The following FBXO25 variants were observed in gnomAD, a reference collection of about 807,000 sequenced individuals.
FBXO25 encodes the protein F-box protein 25, also known as F-box only protein 25.
In FBXO25, 45 loss-of-function variants were observed where a neutral mutation model predicts 51.9. That is an observed-to-expected ratio of 0.87 (90% confidence interval 0.68 to 1.11). FBXO25 has a LOEUF of 1.11. Among genes scored for constraint, FBXO25 ranks in the 50% most tolerant of loss-of-function variants. FBXO25 has a pLI of 0.00. For synonymous variants in FBXO25, 199 were observed against 151.0 expected (o/e 1.32, Z -2.33); for missense variants, 507 against 428.5 (o/e 1.18, Z -1.62).
intron 9 of FBXO25, among the ~76,000 whole-genome samples, chr8:465,822 A>AAT (rs1389048426): frequency 6.6e-6 from 1 of 152,194 alleles, no homozygotes; most frequent in Non-Finnish European, 1.5e-5. Flanking sequence ...TGTATATAAG[A>AAT]ATATGCTGCC....
rs553286404 is a variant in FBXO25, at chr8:468,947, G to A, written c.*143G>A. ...TGGGAAGAACTGCCCTTCTGCAAAGGGGGGACTGCATGGTTGCATTTTCAT... is the reference window on the plus strand; with the variant it reads ...TGGGAAGAACTGCCCTTCTGCAAAGAGGGGACTGCATGGTTGCATTTTCAT... On this transcript the variant is annotated 3_prime_UTR_variant, in exon 10 of 10. Transcript: ENST00000350302. 5.9e-6 allele frequency: 4 copies of A among 680,614 alleles called. No individual in the cohort carries two copies. The highest frequency in any genetic ancestry group is 7.2e-6 in the Non-Finnish European group (3 of 415,316). 42.2% of individuals were successfully genotyped at this position (680,614 alleles called of 1,614,324 possible).
chr8:468,978 A>C lies in FBXO25; in HGVS notation c.*174A>C. ...CTGCATGGTTGCATTTTCATCACTGAAAGTCAGAGGCCAAGGAAATCATTT... is the reference window on the plus strand; with the variant it reads ...CTGCATGGTTGCATTTTCATCACTGCAAGTCAGAGGCCAAGGAAATCATTT... On this transcript the variant is annotated 3_prime_UTR_variant, in exon 10 of 10. Coordinates refer to ENST00000350302, the MANE Select transcript of FBXO25 (RefSeq NM_183420.2). 1 of 578,450 alleles carries C rather than the reference A, an allele frequency of 1.7e-6. No individual in the cohort carries two copies. The highest frequency in any genetic ancestry group is 3.0e-6 in the Non-Finnish European group (1 of 333,126). 35.8% of individuals were successfully genotyped at this position (578,450 alleles called of 1,614,324 possible).
intron 2 of FBXO25, among the ~76,000 whole-genome samples, chr8:429,549 C>G (rs1296923710): frequency 2.6e-5 from 4 of 152,148 alleles, no homozygotes; most frequent in Admixed American, 1.3e-4. Context: ...AAATTAAATA[C>G]TCCTTTATTA....
chr8:442,500 C>T (rs1055384517), intron 5 of FBXO25, among the ~76,000 whole-genome samples: 17 of 151,960 alleles, frequency 1.1e-4, no homozygotes, highest in African/African-American at 2.4e-4. Flanking sequence ...GAGACAGAGT[C>T]GCTTTGTCGC....
rs191889017 is a variant in FBXO25, at chr8:419,117, T to C, written c.134+5904T>C. Among the ~76,000 whole-genome samples, 245 of 151,816 alleles carry C rather than the reference T, an allele frequency of 1.6e-3. 2 individuals carry two copies. Among genetic ancestry groups the C allele is most frequent in the Middle Eastern group, 6.8e-3 (2 of 294 alleles). On this transcript the variant is annotated intron_variant, in intron 2 of 9. Coordinates refer to ENST00000350302, the MANE Select transcript of FBXO25 (RefSeq NM_183420.2). ...GCGCAGGCCTGTAATCCCAACACTT[T>C]GGGAGGCCAAGGCGGGCGGATCACC...
chr8:425,356 C>G lies in FBXO25; in HGVS notation c.135-5985C>G, dbSNP rs562979989. Reference sequence around the variant, plus strand: ...CTCTCTATCCCTTTCTTTTCCTTATCTTTTACAATGTTTAAATTTTCTTCT... The same window carrying G: ...CTCTCTATCCCTTTCTTTTCCTTATGTTTTACAATGTTTAAATTTTCTTCT... On this transcript the variant is annotated intron_variant, in intron 2 of 9. Transcript: ENST00000350302. 3.5e-4 allele frequency among the ~76,000 whole-genome samples: 52 copies of G among 150,692 alleles called. No individual in the cohort carries two copies. The South Asian group carries it at 6.9e-3, about 20-fold the overall frequency.
intron 2 of FBXO25, among the ~76,000 whole-genome samples, chr8:419,477 C>G (rs1013866101): frequency 6.6e-6 from 1 of 152,194 alleles, no homozygotes; most frequent in African/African-American, 2.4e-5. Flanking sequence ...TGGAACACAA[C>G]AGAGGACCCC....
At chr8:409,772 A>G (rs991150599) in intron 1 of FBXO25, among the ~76,000 whole-genome samples, 4 of 152,038 alleles carry the variant, frequency 2.6e-5, no homozygotes, top group African/African-American at 9.7e-5. Flanking sequence ...TTTTCATTTG[A>G]TCTATCCTAC....
intron 2 of FBXO25, among the ~76,000 whole-genome samples, chr8:428,643 A>G (rs943891325): frequency 7.2e-5 from 11 of 152,226 alleles, no homozygotes; most frequent in Non-Finnish European, 1.0e-4. Flanking sequence ...ATCCATCTCT[A>G]GAACTTTTAC....
chr8:444,041 T>C (rs866682026), intron 5 of FBXO25, among the ~76,000 whole-genome samples: 6 of 152,298 alleles, frequency 3.9e-5, no homozygotes, highest in Admixed American at 1.3e-4. Context: ...TGCCTCAGTT[T>C]TCTCATCTCT....
chr8:468,591 C>A, intron 9 of FBXO25, 124 bp from the exon 10 acceptor site: 1 of 687,198 alleles, frequency 1.5e-6, no homozygotes, highest in Non-Finnish European at 2.5e-6. Flanking sequence ...AAGTTATCTC[C>A]CATGTACCTC....
At chr8:430,165 T>G (rs1426498464) in intron 2 of FBXO25, among the ~76,000 whole-genome samples, 5 of 152,248 alleles carry the variant, frequency 3.3e-5, no homozygotes, top group African/African-American at 1.2e-4. Context: ...GTGCTTTTCC[T>G]TTGATATGTT....
intron 2 of FBXO25, among the ~76,000 whole-genome samples, chr8:424,046 A>G (rs987484593): frequency 6.6e-6 from 1 of 151,554 alleles, no homozygotes; most frequent in African/African-American, 2.4e-5. Flanking sequence ...GCTATGTGGT[A>G]CTGAGCCGTT....
intron 9 of FBXO25, among the ~76,000 whole-genome samples, chr8:463,406 T>C (rs188678214): frequency 5.1e-4 from 78 of 152,258 alleles, no homozygotes; most frequent in East Asian, 5.0e-3. Context: ...TGCAGGCGGA[T>C]TGCAGCCAGT....
chr8:420,614 A>T (rs1797090293), intron 2 of FBXO25, among the ~76,000 whole-genome samples: 1 of 152,244 alleles, frequency 6.6e-6, no homozygotes, highest in African/African-American at 2.4e-5. Context: ...AAAAGGAACA[A>T]ACTATTAATT....
intron 2 of FBXO25, among the ~76,000 whole-genome samples, 166 bp from the exon 3 acceptor site, chr8:431,175 G>C (rs1004782434): frequency 6.6e-6 from 1 of 152,152 alleles, no homozygotes; most frequent in Non-Finnish European, 1.5e-5. Flanking sequence ...CAAAGAACCA[G>C]GATACATCTT....
intron 5 of FBXO25, among the ~76,000 whole-genome samples, chr8:448,447 C>T (rs750597260): frequency 1.3e-5 from 2 of 152,206 alleles, no homozygotes; most frequent in East Asian, 3.9e-4. Flanking sequence ...GTAATCCTTA[C>T]TTATGGGATC....
Position 435,084 on chromosome 8 carries a change from T to C in FBXO25, c.289-531T>C, listed in dbSNP as rs542405239. ...CCTCTCCCAGCCCTGATCCTTGTGG[T>C]TGAGCATACTTCCAGCCTGGGCAGT... On this transcript the variant is annotated intron_variant, in intron 4 of 9. Transcript: ENST00000350302. Among the ~76,000 whole-genome samples the C allele has an allele frequency of 1.3e-4, 20 of 152,284 alleles. No individual in the cohort carries two copies. In the Middle Eastern group the frequency reaches 0.01, roughly 78 times the overall value.
chr8:422,157 C>A (rs550984175), intron 2 of FBXO25, among the ~76,000 whole-genome samples: 6 of 152,150 alleles, frequency 3.9e-5, no homozygotes, highest in Non-Finnish European at 5.9e-5. Context: ...AAGTCTCCCC[C>A]CAAATAGCTA....
Sources: allele counts gnomAD v4.1 joint callset (sites outside exome capture counted in the v4.1 genomes callset), GRCh38; gene constraint gnomAD v4.1.1; transcripts MANE v1.5; gene names NCBI Gene and HGNC (gene_info 2026-07-23, HGNC 2026-07-21).